Variants in PLS3 observed in about 807,000 individuals in gnomAD.
PLS3 encodes the protein plastin 3.
In PLS3, 11 loss-of-function variants were observed where a neutral mutation model predicts 46.5. The ratio of observed to expected loss-of-function variants is 0.24; its 90% CI spans 0.15 to 0.39. The LOEUF is 0.39. Ranked by LOEUF, PLS3 falls within the 10% of genes least tolerant of loss-of-function variation. The pLI is 1.00. For synonymous variants in PLS3, 167 were observed against 162.2 expected (o/e 1.03, Z -0.22); for missense variants, 308 against 461.8 (o/e 0.67, Z 3.05).
chrX:115,634,864 A>G lies in PLS3; in HGVS notation c.583-17A>G. 1 of 1,197,783 alleles carries G rather than the reference A, an allele frequency of 8.3e-7. No individual in the cohort carries two copies. ...GGAAAGGTCAAGAAGCAAGTGTGTA[A>G]TTTGGCTGTCTTGCAGGAAAACTTG... On this transcript the variant is annotated splice_polypyrimidine_tract_variant and intron_variant, in intron 6 of 15. Transcript: ENST00000355899.
intron 9 of PLS3, among the ~76,000 whole-genome samples, chrX:115,641,059 G>A (rs140526826): frequency 0.012 from 1,350 of 110,485 alleles, 4 homozygotes; most frequent in Non-Finnish European, 0.018. Flanking sequence ...CATCCATAAA[G>A]TAAGGAGTTA....
chrX:115,639,279 T>A (rs781908689), intron 8 of PLS3, among the ~76,000 whole-genome samples: 5 of 112,111 alleles, frequency 4.5e-5, no homozygotes, highest in African/African-American at 1.6e-4. Context: ...TGCCCCCAAA[T>A]GATAGAATCG....
intron 1 of PLS3, among the ~76,000 whole-genome samples, chrX:115,607,881 C>G (rs1169394128): frequency 9.0e-6 from 1 of 111,731 alleles, no homozygotes; most frequent in African/African-American, 3.3e-5. Flanking sequence ...CTAATAGCAT[C>G]ATATGGTCAT....
At chrX:115,610,877 C>T in intron 2 of PLS3, 7 of 1,086,024 alleles carry the variant, frequency 6.4e-6, no homozygotes, top group Non-Finnish European at 8.6e-6. Flanking sequence ...TTGATTTATC[C>T]TTTATCATCA....
chrX:115,618,821 G>A (rs966273002), intron 2 of PLS3, among the ~76,000 whole-genome samples: 49 of 110,259 alleles, frequency 4.4e-4, no homozygotes, highest in African/African-American at 1.6e-3. Flanking sequence ...AACCCAGGAG[G>A]CGGAGGTTGT....
chrX:115,648,751 A>G (rs1402240445), intron 15 of PLS3, among the ~76,000 whole-genome samples: 2 of 112,108 alleles, frequency 1.8e-5, no homozygotes, highest in Non-Finnish European at 3.8e-5. Context: ...ACAAAGGTCT[A>G]ATATCCACAA....
At chrX:115,622,987 A>G (rs1183078473) in intron 3 of PLS3, among the ~76,000 whole-genome samples, 2 of 111,186 alleles carry the variant, frequency 1.8e-5, no homozygotes, top group African/African-American at 6.5e-5. Flanking sequence ...ATATTCTTCA[A>G]GGTTAGGGGC....
intron 2 of PLS3, among the ~76,000 whole-genome samples, chrX:115,615,677 G>C (rs974308075): frequency 3.6e-5 from 4 of 110,251 alleles, no homozygotes; most frequent in Non-Finnish European, 7.6e-5. Flanking sequence ...AAAAAAAAAC[G>C]CTTTGTCAAT....
intron 1 of PLS3, among the ~76,000 whole-genome samples, chrX:115,590,173 T>C (rs2074335534): frequency 9.0e-6 from 1 of 111,588 alleles, no homozygotes. Flanking sequence ...AACTCTTAAC[T>C]GTATGGTTTC....
intron 1 of PLS3, among the ~76,000 whole-genome samples, chrX:115,582,007 A>T (rs1378738195): frequency 2.7e-5 from 3 of 112,308 alleles, no homozygotes; most frequent in Non-Finnish European, 5.6e-5. Flanking sequence ...ATAATTTAGA[A>T]AGTGTGATTT....
chrX:115,601,297 G>A (rs2074440665), intron 1 of PLS3, among the ~76,000 whole-genome samples: 1 of 109,963 alleles, frequency 9.1e-6, no homozygotes, highest in South Asian at 4.0e-4. Flanking sequence ...CAGACATAAA[G>A]CTAGAAGTCA....
chrX:115,592,070 C>T (rs1384379917), intron 1 of PLS3, among the ~76,000 whole-genome samples: 2 of 111,839 alleles, frequency 1.8e-5, no homozygotes, highest in Non-Finnish European at 3.8e-5. Context: ...TGGGGACTAT[C>T]CGGTGAGGGC....
At chrX:115,594,789 G>A (rs1294191558) in intron 1 of PLS3, among the ~76,000 whole-genome samples, 1 of 110,519 alleles carries the variant, frequency 9.0e-6, no homozygotes, top group Non-Finnish European at 1.9e-5. Context: ...TCTTAGGTAT[G>A]AAAATTAATT....
chrX:115,633,460 A>G (rs2074799171), intron 5 of PLS3, among the ~76,000 whole-genome samples: 1 of 110,823 alleles, frequency 9.0e-6, no homozygotes, highest in South Asian at 3.9e-4. Context: ...GTGAGCCACC[A>G]TGCCTGGCCA....
chrX:115,647,657 C>G lies in PLS3; in HGVS notation c.1619C>G (p.Ser540Cys). The G allele has an allele frequency of 8.3e-7, 1 of 1,204,555 alleles. No homozygotes were observed. Among genetic ancestry groups the G allele is most frequent in the Non-Finnish European group, 1.1e-6 (1 of 889,545 alleles). The change falls in exon 14 of 16, where the codon TCC (serine) becomes TGC (cysteine). Residue 540 changes from serine to cysteine, a missense_variant. Ser to Cys is a moderately radical substitution (Grantham distance 112, BLOSUM62 -1). Coordinates refer to ENST00000355899, the MANE Select transcript of PLS3 (RefSeq NM_005032.7). ...TTGAGTGAAGCTGGAAAATCAACTT[C>G]CATTCAGAGTTTTAAGGTCAGAATC... is the stretch of plus-strand genomic sequence containing the variant. Reference protein sequence around the residue: ...RTLSEAGKSTSIQSFKDKTIS... With the variant: ...RTLSEAGKSTCIQSFKDKTIS...
chrX:115,637,467 C>A (rs782092775), intron 8 of PLS3, among the ~76,000 whole-genome samples: 1 of 111,928 alleles, frequency 8.9e-6, no homozygotes, highest in East Asian at 2.8e-4. Context: ...TCAGCCCCTG[C>A]TCCAGGGCCC....
intron 2 of PLS3, among the ~76,000 whole-genome samples, chrX:115,621,149 G>A (rs1177102493): frequency 9.1e-6 from 1 of 110,314 alleles, no homozygotes; most frequent in Admixed American, 9.7e-5. Flanking sequence ...GAGTAGCTGA[G>A]ATTACGGGTG....
intron 1 of PLS3, among the ~76,000 whole-genome samples, chrX:115,585,137 G>T (rs2147434266): frequency 9.0e-6 from 1 of 111,423 alleles, no homozygotes; most frequent in African/African-American, 3.3e-5. Flanking sequence ...AAAGGTCATA[G>T]TGGAAGCATT....
intron 1 of PLS3, among the ~76,000 whole-genome samples, chrX:115,581,860 TACTTCTATAAAGAAA>T (rs2074281284): frequency 8.9e-6 from 1 of 111,881 alleles, no homozygotes; most frequent in African/African-American, 3.2e-5. Context: ...GTAGCAGAAT[TACTTCTATAAAGAAA>T]ACTTCCCTAA....
Sources: gnomAD v4.1 joint callset for allele counts (sites outside exome capture counted in the v4.1 genomes callset) on GRCh38, gnomAD v4.1.1 for gene constraint, MANE v1.5 for transcripts, NCBI Gene and HGNC (gene_info 2026-07-23, HGNC 2026-07-21) for gene names.